HTT: variants seen among roughly 807,000 people sequenced by gnomAD.
HTT encodes the protein huntingtin, also known as huntington disease protein.
In HTT, 104 loss-of-function variants were observed where a neutral mutation model predicts 362.3. The ratio of observed to expected loss-of-function variants is 0.29; its 90% CI spans 0.24 to 0.34. The LOEUF is 0.34. Ranked by LOEUF, HTT falls within the 10% of genes least tolerant of loss-of-function variation. The pLI, the probability that HTT is intolerant of heterozygous loss-of-function variation, is 1.00. For missense variants in HTT, 3,301 were observed against 3,928.6 expected (o/e 0.84, Z 4.27); for synonymous variants, 1,577 against 1,548.7 (o/e 1.02, Z -0.43).
chr4:3,226,980 G>A (rs1389806325), intron 57 of HTT, among the ~76,000 whole-genome samples: 2 of 152,214 alleles, frequency 1.3e-5, no homozygotes, highest in African/African-American at 4.8e-5. Flanking sequence ...TGACCAATAG[G>A]ATGCACTGTA....
chr4:3,134,700 G>GAA (rs1715979255), intron 19 of HTT, among the ~76,000 whole-genome samples, 160 bp downstream of exon 19: 1 of 152,206 alleles, frequency 6.6e-6, no homozygotes, highest in South Asian at 2.1e-4. Context: ...GCTTTTTGCT[G>GAA]AACTTTGCCC....
intron 19 of HTT, among the ~76,000 whole-genome samples, 168 bp from the exon 20 acceptor site, chr4:3,135,736 G>A (rs919562649): frequency 6.6e-6 from 1 of 152,178 alleles, no homozygotes; most frequent in African/African-American, 2.4e-5. Context: ...ATTGTGAGAG[G>A]AATGCCACCT....
chr4:3,111,541 C>T (rs1578507361), intron 6 of HTT, among the ~76,000 whole-genome samples: 2 of 152,244 alleles, frequency 1.3e-5, no homozygotes, highest in African/African-American at 4.8e-5. Flanking sequence ...CAGCTAGTAT[C>T]CCTGGAAGGA....
In HTT at chr4:3,111,998, C is replaced by T. The variant is rs148438270; in HGVS notation, c.748-3306C>T. Reference sequence around the variant, plus strand: ...AAGCTTGCATTTGAACTTCTTCCTACGGGCTAACAAATCAGTCAGTTATGT... The same window carrying T: ...AAGCTTGCATTTGAACTTCTTCCTATGGGCTAACAAATCAGTCAGTTATGT... On this transcript the variant is annotated intron_variant, in intron 6 of 66. Coordinates refer to ENST00000355072, the MANE Select transcript of HTT (RefSeq NM_001388492.1). 2.8e-3 allele frequency among the ~76,000 whole-genome samples: 433 copies of T among 152,316 alleles called. 1 individual carries two copies. Among genetic ancestry groups the T allele is most frequent in the African/African-American group, 9.8e-3 (409 of 41,560 alleles).
chr4:3,113,270 GCTGA>G (rs1339979906), intron 6 of HTT, among the ~76,000 whole-genome samples: 2 of 152,162 alleles, frequency 1.3e-5, no homozygotes, highest in African/African-American at 4.8e-5. Flanking sequence ...CTCACCGTGT[GCTGA>G]CTCATCATAA....
Position 3,235,644 on chromosome 4 carries a change from GC to G in HTT, c.8653del (p.Leu2885SerfsTer18). ...CACTGTGCCCTCAGAGGCCTGGAGC[GC>G]CTCCTGCTCTCTGAGCAGCTCTCCC... ...IYHCALRGLE[R>X]LLLSEQLSRL... On this transcript the variant is annotated frameshift_variant, in exon 63 of 67. Coordinates refer to ENST00000355072, the MANE Select transcript of HTT (RefSeq NM_001388492.1). LOFTEE classifies it high-confidence loss of function. The G allele has an allele frequency of 1.9e-6, 3 of 1,613,758 alleles. No homozygotes were observed. Among genetic ancestry groups the G allele is most frequent in the Non-Finnish European group, 2.5e-6 (3 of 1,180,000 alleles).
At chr4:3,090,606 C>T (rs560068661) in intron 2 of HTT, among the ~76,000 whole-genome samples, 182 of 152,058 alleles carry the variant, frequency 1.2e-3, no homozygotes, top group Middle Eastern at 6.8e-3. Context: ...TCTAAGGAAT[C>T]GATAAATATG....
intron 49 of HTT, chr4:3,213,094 C>T (rs183898793): frequency 5.4e-4 from 112 of 206,728 alleles, no homozygotes; most frequent in Non-Finnish European, 9.4e-4. Flanking sequence ...AATGTGTACA[C>T]GTTCTGGATG....
At chr4:3,211,701 TAA>T (rs1720169522) in intron 47 of HTT, among the ~76,000 whole-genome samples, 2 of 152,194 alleles carry the variant, frequency 1.3e-5, no homozygotes, top group African/African-American at 4.8e-5. Context: ...CTTAAAATAC[TAA>T]GAGAGAACAG....
intron 23 of HTT, 130 bp downstream of exon 23, chr4:3,143,016 C>T: frequency 1.6e-6 from 1 of 632,592 alleles, no homozygotes; most frequent in Non-Finnish European, 2.7e-6. Flanking sequence ...ATGAGGCTTG[C>T]TAAGAAATTG....
At chr4:3,198,076 G>A (rs1159106908) in intron 40 of HTT, among the ~76,000 whole-genome samples, 1 of 152,130 alleles carries the variant, frequency 6.6e-6, no homozygotes, top group African/African-American at 2.4e-5. Flanking sequence ...TCGTGACCTG[G>A]TCTGCATTCT....
intron 29 of HTT, among the ~76,000 whole-genome samples, chr4:3,163,119 A>G (rs533996447): frequency 1.3e-5 from 2 of 152,266 alleles, no homozygotes; most frequent in African/African-American, 4.8e-5. Flanking sequence ...TAGTTTATTG[A>G]GAGTTTTTAG....
At chr4:3,203,641 G>A (rs939180122) in intron 41 of HTT, among the ~76,000 whole-genome samples, 1 of 152,178 alleles carries the variant, frequency 6.6e-6, no homozygotes, top group African/African-American at 2.4e-5. Context: ...TCTGGCAGTT[G>A]GCAACTTTCA....
intron 2 of HTT, among the ~76,000 whole-genome samples, chr4:3,095,606 A>T (rs1030366972): frequency 6.6e-6 from 1 of 152,146 alleles, no homozygotes; most frequent in Non-Finnish European, 1.5e-5. Flanking sequence ...GAAAGAAAAA[A>T]TTTTTTGTTT....
chr4:3,136,453 T>C, intron 21 of HTT, 127 bp downstream of exon 21: 1 of 475,252 alleles, frequency 2.1e-6, no homozygotes, highest in Non-Finnish European at 3.8e-6. Context: ...ATTTCAGCCA[T>C]TCTATTCTTA....
intron 23 of HTT, among the ~76,000 whole-genome samples, chr4:3,144,520 G>C (rs1212379176): frequency 6.6e-6 from 1 of 152,116 alleles, no homozygotes; most frequent in Non-Finnish European, 1.5e-5. Context: ...GTTTCACCAG[G>C]TTGGTCAGGC....
At chr4:3,134,941 T>C (rs1184278420) in intron 19 of HTT, among the ~76,000 whole-genome samples, 2 of 140,236 alleles carry the variant, frequency 1.4e-5, no homozygotes, top group Non-Finnish European at 1.5e-5. Context: ...CAGGCTGGTC[T>C]CAAACTCCTG....
At chr4:3,084,760 T>G (rs1408906835) in intron 1 of HTT, among the ~76,000 whole-genome samples, 1 of 150,078 alleles carries the variant, frequency 6.7e-6, no homozygotes, top group Non-Finnish European at 1.5e-5. Flanking sequence ...ACACCTGTAA[T>G]CCCAGCACTT....
At chr4:3,116,349 C>A in intron 8 of HTT, 86 bp downstream of exon 8, 1 of 1,214,130 alleles carries the variant, frequency 8.2e-7, no homozygotes, top group Non-Finnish European at 1.2e-6. Flanking sequence ...AGCGGCAGAA[C>A]CGAGAGTTAG....
Sources: gnomAD v4.1 joint callset for allele counts (sites outside exome capture counted in the v4.1 genomes callset) on GRCh38, gnomAD v4.1.1 for gene constraint, MANE v1.5 for transcripts, NCBI Gene and HGNC (gene_info 2026-07-23, HGNC 2026-07-21) for gene names.